The following FBXO16 variants were observed in gnomAD, a reference collection of about 807,000 sequenced individuals.
FBXO16 encodes the protein F-box only protein 16.
A neutral mutation model predicts 41.0 loss-of-function variants in FBXO16; 31 were observed. The ratio of observed to expected loss-of-function variants is 0.76; its 90% confidence interval spans 0.57 to 1.02. FBXO16 has a LOEUF of 1.02. Ranked by LOEUF, FBXO16 falls within the 50% of genes least tolerant of loss-of-function variation. FBXO16 has a pLI of 0.00. For synonymous variants in FBXO16, 133 were observed against 117.8 expected, an observed-to-expected ratio of 1.13 and a Z score of -0.84; for missense variants, 361 against 346.2, an observed-to-expected ratio of 1.04 and a Z score of -0.34.
At chr8:28,448,864 T>C (rs995358200) in intron 6 of FBXO16, 2 of 152,246 alleles carry the variant, frequency 1.3e-5, no homozygotes, top group Admixed American at 1.3e-4. Context: ...TCTATTACTA[T>C]ATTCAGGCTA....
intron 7 of FBXO16, among the ~76,000 whole-genome samples, chr8:28,430,324 C>T (rs1802587931): frequency 6.6e-6 from 1 of 152,186 alleles, no homozygotes; most frequent in African/African-American, 2.4e-5. Context: ...AGCAATCCTC[C>T]CGCTTTGGCC....
intron 7 of FBXO16, among the ~76,000 whole-genome samples, chr8:28,433,546 T>C (rs1250409251): frequency 6.6e-6 from 1 of 152,214 alleles, no homozygotes; most frequent in African/African-American, 2.4e-5. Flanking sequence ...CTGCCCAAGA[T>C]TCCCGGGACT....
chr8:28,468,860 A>G, intron 3 of FBXO16, among the ~76,000 whole-genome samples: 1 of 152,072 alleles, frequency 6.6e-6, no homozygotes, highest in South Asian at 2.1e-4. Flanking sequence ...AAAAAAAAAA[A>G]AAGTTTCAAG....
intron 4 of FBXO16, among the ~76,000 whole-genome samples, chr8:28,460,634 A>G (rs191284631): frequency 6.6e-6 from 1 of 151,846 alleles, no homozygotes; most frequent in East Asian, 1.9e-4. Context: ...CATATTGGCC[A>G]GGCTGTTTTC....
intron 2 of FBXO16, among the ~76,000 whole-genome samples, chr8:28,480,209 C>T (rs982076493): frequency 2.6e-5 from 4 of 152,066 alleles, no homozygotes; most frequent in Admixed American, 2.0e-4. Flanking sequence ...CAGTCTCTCT[C>T]CATTTTATTT....
At chr8:28,436,178 C>T (rs949502582) in intron 7 of FBXO16, among the ~76,000 whole-genome samples, 12 of 152,064 alleles carry the variant, frequency 7.9e-5, no homozygotes, top group African/African-American at 2.7e-4. Context: ...CAGCTTCATC[C>T]GGTTGATAGG....
At chr8:28,468,552 G>A (rs1803281676) in intron 3 of FBXO16, among the ~76,000 whole-genome samples, 1 of 152,162 alleles carries the variant, frequency 6.6e-6, no homozygotes, top group Non-Finnish European at 1.5e-5. Context: ...AAACAGGGCT[G>A]GGCGAGGTGG....
At chr8:28,439,745 CA>C (rs397975845) in intron 7 of FBXO16, among the ~76,000 whole-genome samples, 188 of 134,402 alleles carry the variant, frequency 1.4e-3, no homozygotes, top group African/African-American at 2.8e-3. Flanking sequence ...GACCCTGTCT[CA>C]AAAAAAAAAA....
intron 7 of FBXO16, among the ~76,000 whole-genome samples, chr8:28,445,181 A>G (rs907231449): frequency 6.6e-5 from 10 of 152,198 alleles, no homozygotes; most frequent in African/African-American, 2.4e-4. Flanking sequence ...TTTACAAAAA[A>G]CACAAGAATA....
chr8:28,448,707 T>A lies in FBXO16; in HGVS notation c.741-1434A>T, dbSNP rs181131295. On this transcript the variant is annotated intron_variant, in intron 6 of 8. Coordinates refer to ENST00000380254, the MANE Select transcript of FBXO16 (RefSeq NM_172366.4). ...TCAGTAATCATACCACTTGCTTTAA[T>A]GTTAGCATTTCTTTTCTAAAACTCC... Among the ~76,000 whole-genome samples the A allele has an allele frequency of 4.3e-4, 66 of 152,322 alleles. No homozygotes were observed. In the East Asian group the frequency reaches 6.9e-3, roughly 16 times the overall value.
At chr8:28,461,349 T>C (rs1803131395) in intron 4 of FBXO16, among the ~76,000 whole-genome samples, 1 of 152,218 alleles carries the variant, frequency 6.6e-6, no homozygotes, top group African/African-American at 2.4e-5. Flanking sequence ...CATCTATTTA[T>C]CTACCAGCAA....
At chr8:28,473,692 G>C in intron 3 of FBXO16, 80 bp downstream of exon 3, 1 of 1,196,116 alleles carries the variant, frequency 8.4e-7, no homozygotes, top group Admixed American at 1.9e-5. Context: ...AAGCCACCCA[G>C]TCTGATTTTT....
At chr8:28,456,952 A>T in intron 4 of FBXO16, 22 bp from the exon 5 acceptor site, 2 of 1,605,166 alleles carry the variant, frequency 1.2e-6, no homozygotes, top group African/African-American at 2.7e-5. Flanking sequence ...ATTACAATTA[A>T]ACAAAACCAA....
At chr8:28,465,286 G>C in intron 3 of FBXO16, 1 of 380,554 alleles carries the variant, frequency 2.6e-6, no homozygotes, top group East Asian at 9.4e-5. Context: ...TCAGAGCTGA[G>C]CAGAGGAGGT....
intron 7 of FBXO16, among the ~76,000 whole-genome samples, chr8:28,446,302 C>T (rs1001715878): frequency 2.7e-5 from 4 of 150,514 alleles, no homozygotes; most frequent in Admixed American, 2.0e-4. Flanking sequence ...CTGCCTCCCC[C>T]GCACCCGCCA....
chr8:28,475,346 T>C (rs1803407121), intron 2 of FBXO16, among the ~76,000 whole-genome samples: 1 of 152,224 alleles, frequency 6.6e-6, no homozygotes, highest in Non-Finnish European at 1.5e-5. Flanking sequence ...AGGGAATCTC[T>C]TCTGTCACAG....
chr8:28,490,154 C>T (rs1252267141), intron 1 of FBXO16, 32 bp downstream of exon 1: 2 of 152,146 alleles, frequency 1.3e-5, no homozygotes, highest in Non-Finnish European at 2.9e-5. Flanking sequence ...AGAGAGTCTC[C>T]ATCTTTTTCA....
intron 3 of FBXO16, among the ~76,000 whole-genome samples, chr8:28,467,571 T>C (rs2130168008): frequency 6.6e-6 from 1 of 152,324 alleles, no homozygotes; most frequent in Non-Finnish European, 1.5e-5. Flanking sequence ...AATATGTATG[T>C]GGGTTAAGTA....
intron 7 of FBXO16, among the ~76,000 whole-genome samples, chr8:28,435,175 T>TG (rs1802669401): frequency 6.6e-6 from 1 of 151,268 alleles, no homozygotes; most frequent in Admixed American, 6.6e-5. Flanking sequence ...GGGCAGATTT[T>TG]TTTTTTTTTT....
Sources: gnomAD v4.1 joint callset for allele counts (sites outside exome capture counted in the v4.1 genomes callset) on GRCh38, gnomAD v4.1.1 for gene constraint, MANE v1.5 for transcripts, NCBI Gene and HGNC (gene_info 2026-07-23, HGNC 2026-07-21) for gene names.